Variants in LCORL observed in about 807,000 individuals in gnomAD.
LCORL encodes ligand-dependent nuclear receptor corepressor-like protein.
A neutral mutation model predicts 141.8 loss-of-function variants in LCORL; 41 were observed. That is an observed-to-expected ratio of 0.29 (90% CI 0.23 to 0.38). LCORL has a LOEUF of 0.38. LCORL is among the 10% of genes least tolerant of loss of function. LCORL has a pLI of 1.00. For missense variants in LCORL, 1,759 were observed against 2,035.0 expected, an observed-to-expected ratio of 0.86 and a Z score of 2.61; for synonymous variants, 618 against 694.1, an observed-to-expected ratio of 0.89 and a Z score of 1.72.
intron 5 of LCORL, among the ~76,000 whole-genome samples, chr4:17,900,386 A>G (rs1274375418): frequency 1.3e-5 from 2 of 152,084 alleles, no homozygotes; most frequent in East Asian, 3.8e-4. Context: ...GATATTGTGT[A>G]TTTATATTTG....
At chr4:17,993,295 C>T (rs1287717386) in intron 1 of LCORL, among the ~76,000 whole-genome samples, 2 of 152,230 alleles carry the variant, frequency 1.3e-5, no homozygotes, top group East Asian at 1.9e-4. Context: ...ACCTCTGTCT[C>T]GGGTTCAAGC....
At chr4:17,977,024 G>A (rs1717112017) in intron 1 of LCORL, among the ~76,000 whole-genome samples, 1 of 152,010 alleles carries the variant, frequency 6.6e-6, no homozygotes, top group Non-Finnish European at 1.5e-5. Flanking sequence ...GATTTCTATG[G>A]CAGATTAGTT....
Position 17,897,234 on chromosome 4 carries a change from T to C in LCORL, c.683-11073A>G, listed in dbSNP as rs998079260. On this transcript the variant is annotated intron_variant, in intron 5 of 7. Coordinates refer to ENST00000635767, the Ensembl canonical transcript of LCORL. ...ATTTCTTTTTTTTTTTTTTTTTTTT[T>C]TTTTTTTTTTTTTTTTTAGGGTATA... is the stretch of plus-strand genomic sequence containing the variant. Among the ~76,000 whole-genome samples, 627 of 136,506 alleles carry C rather than the reference T, an allele frequency of 4.6e-3. 21 individuals carry two copies. The highest frequency in any genetic ancestry group is 7.6e-3 in the Non-Finnish European group (478 of 63,078). 89.6% of individuals were successfully genotyped at this position (136,506 alleles called of 152,430 possible). A position where few individuals can be genotyped will look rare whatever the true frequency, so the allele number is the denominator to read the frequency against.
intron 1 of LCORL, among the ~76,000 whole-genome samples, chr4:17,983,051 C>T (rs1191734592): frequency 6.6e-6 from 1 of 152,076 alleles, no homozygotes; most frequent in African/African-American, 2.4e-5. Flanking sequence ...TTTTTGTTAG[C>T]TTTGTTGAAG....
intron 1 of LCORL, among the ~76,000 whole-genome samples, chr4:18,018,797 C>A (rs1023510298): frequency 5.9e-5 from 9 of 152,112 alleles, no homozygotes; most frequent in African/African-American, 2.2e-4. Context: ...ATTTCCTTTA[C>A]CAAAAGACAA....
intron 4 of LCORL, among the ~76,000 whole-genome samples, chr4:17,940,138 ATATATATG>A (rs1324411178): frequency 1.0e-3 from 149 of 143,906 alleles, no homozygotes; most frequent in Non-Finnish European, 1.4e-3. Flanking sequence ...GTATATGTGT[ATATATATG>A]TATATATGTA....
exon 7 of LCORL, chr4:17,876,284 G>T: frequency 8.1e-7 from 1 of 1,230,890 alleles, no homozygotes; most frequent in South Asian, 4.1e-5. Flanking sequence ...TGATAATATT[G>T]CCGGATGCTA....
At chr4:17,875,674 G>C (rs1473164656) in exon 7 of LCORL, 2 of 1,231,178 alleles carry the variant, frequency 1.6e-6, no homozygotes, top group Non-Finnish European at 2.0e-6. Context: ...ATGTTTGTTT[G>C]ATCAATTTTA....
At chr4:18,004,343 A>G (rs35613046) in intron 1 of LCORL, among the ~76,000 whole-genome samples, 36,181 of 152,196 alleles carry the variant, frequency 0.24, 5,500 homozygotes, top group African/African-American at 0.43. Context: ...GAGGTTTATC[A>G]GACTTACAGT....
chr4:17,989,710 T>C (rs1719630839), intron 1 of LCORL, among the ~76,000 whole-genome samples: 1 of 152,250 alleles, frequency 6.6e-6, no homozygotes, highest in African/African-American at 2.4e-5. Context: ...TAGTTGATCA[T>C]TCAAGGCATG....
chr4:18,012,992 A>T (rs1724045510), intron 1 of LCORL, among the ~76,000 whole-genome samples: 1 of 152,212 alleles, frequency 6.6e-6, no homozygotes, highest in South Asian at 2.1e-4. Context: ...CTCCACTTGC[A>T]CATATCTTAA....
At chr4:17,846,846 T>C (rs556348513) in intron 7 of LCORL, among the ~76,000 whole-genome samples, 4 of 152,250 alleles carry the variant, frequency 2.6e-5, no homozygotes, top group South Asian at 2.1e-4. Context: ...CAGTAAAACA[T>C]TGCATTGGAT....
At chr4:17,925,126 GAAGTT>G (rs1357344478) in intron 4 of LCORL, among the ~76,000 whole-genome samples, 2 of 152,174 alleles carry the variant, frequency 1.3e-5, no homozygotes, top group East Asian at 3.8e-4. Context: ...CATGAAACTG[GAAGTT>G]AAGATTGCCA....
At chr4:18,011,442 A>C (rs928639346) in intron 1 of LCORL, among the ~76,000 whole-genome samples, 2 of 152,140 alleles carry the variant, frequency 1.3e-5, no homozygotes, top group African/African-American at 4.8e-5. Flanking sequence ...AAAAAAAAAA[A>C]AAACAACTTC....
chr4:17,883,106 A>G (rs751490660), intron 6 of LCORL: 154 of 971,366 alleles, frequency 1.6e-4, no homozygotes, highest in Non-Finnish European at 1.9e-4. Context: ...ATTAAATTTC[A>G]TTATACATAT....
intron 4 of LCORL, among the ~76,000 whole-genome samples, chr4:17,915,459 A>G (rs895185131): frequency 6.6e-6 from 1 of 152,202 alleles, no homozygotes; most frequent in African/African-American, 2.4e-5. Context: ...TAGAGTCATA[A>G]ATAATATAGA....
rs545049818 is a variant in LCORL at position 17,909,191 on chromosome 4, A to G, written c.585T>C (p.Ser195=). 1.6e-5 allele frequency: 26 copies of G among 1,613,416 alleles called. No homozygotes were observed. In the Admixed American group the frequency reaches 3.2e-4, roughly 20 times the overall value. ...AGTTTTCTGCTTGATTCATTTGGAT[A>G]CTTTTACATACTATACTTGGTCCAA... The change falls in exon 5 of 8, where the codon AGT becomes AGC. Residue 195 remains serine (S), a synonymous_variant. Coordinates refer to ENST00000635767, the Ensembl canonical transcript of LCORL.
chr4:17,841,266 G>C (rs1281367807), exon 8 of LCORL: 1 of 151,916 alleles, frequency 6.6e-6, no homozygotes, highest in Non-Finnish European at 1.5e-5. Flanking sequence ...GAATCAGAAA[G>C]TACATCCAGA....
chr4:18,001,611 G>A (rs887134496), intron 1 of LCORL, among the ~76,000 whole-genome samples: 3 of 152,152 alleles, frequency 2.0e-5, no homozygotes, highest in Non-Finnish European at 4.4e-5. Flanking sequence ...GAAAGGTTCA[G>A]TATAAAGAAA....
Sources: allele counts gnomAD v4.1 joint callset (sites outside exome capture counted in the v4.1 genomes callset), GRCh38; gene constraint gnomAD v4.1.1; transcripts MANE v1.5; gene names NCBI Gene and HGNC (gene_info 2026-07-23, HGNC 2026-07-21).